RAD51B: variants seen among roughly 807,000 people sequenced by gnomAD.
RAD51B encodes DNA repair protein RAD51 homolog 2.
RAD51B carries 38 observed loss-of-function variants against 42.2 expected under a neutral mutation model. The observed-to-expected ratio is 0.90, with a 90% CI of 0.70 to 1.18. RAD51B has a LOEUF of 1.18. Among genes scored for constraint, RAD51B ranks in the 50% most tolerant of loss-of-function variants. The pLI, the probability that RAD51B is intolerant of heterozygous loss-of-function variation, is 0.00. For missense variants in RAD51B, 373 were observed against 400.7 expected, an observed-to-expected ratio of 0.93 and a Z score of 0.59; for synonymous variants, 154 against 145.2, an observed-to-expected ratio of 1.06 and a Z score of -0.43.
At chr14:68,416,019 T>C (rs1229854736) in intron 9 of RAD51B, among the ~76,000 whole-genome samples, 1 of 152,178 alleles carries the variant, frequency 6.6e-6, no homozygotes, top group Non-Finnish European at 1.5e-5. Context: ...AATATTTTCA[T>C]TTCTATTTAG....
intron 7 of RAD51B, among the ~76,000 whole-genome samples, chr14:68,165,969 C>T (rs2078740852): frequency 6.6e-6 from 1 of 152,054 alleles, no homozygotes; most frequent in Non-Finnish European, 1.5e-5. Flanking sequence ...GCATTAATAT[C>T]TTATGCTGTA....
Position 67,835,184 on chromosome 14 carries a change from A to G in RAD51B, c.303A>G (p.Gly101=), listed in dbSNP as rs1318025103. Residue 101 remains glycine, a synonymous_variant, in exon 4 of 11, where the codon GGA becomes GGG. Coordinates refer to ENST00000471583, the MANE Select transcript of RAD51B (RefSeq NM_133510.4). Reference sequence around the variant, plus strand: ...CCCTGCATGGTGGTGTGGCTTGTGGATCCCTCACAGAGGTAAAGGAAAAAT... The same window carrying G: ...CCCTGCATGGTGGTGTGGCTTGTGGGTCCCTCACAGAGGTAAAGGAAAAAT... ...DEALHGGVAC[G]SLTEITGPPG... is the part of the protein sequence containing the mutation. 6.2e-7 allele frequency: 1 copy of G among 1,613,158 alleles called. No homozygotes were observed. Among genetic ancestry groups the G allele is most frequent in the Non-Finnish European group, 8.5e-7 (1 of 1,179,182 alleles).
chr14:67,830,780 C>G (rs1036890748), intron 3 of RAD51B, among the ~76,000 whole-genome samples: 1 of 151,990 alleles, frequency 6.6e-6, no homozygotes, highest in African/African-American at 2.4e-5. Flanking sequence ...AGATGATTCT[C>G]TGACTTTTGC....
intron 7 of RAD51B, among the ~76,000 whole-genome samples, chr14:67,965,658 A>G (rs1424747199): frequency 6.6e-6 from 1 of 152,014 alleles, no homozygotes; most frequent in Non-Finnish European, 1.5e-5. Context: ...TCCCATTGCC[A>G]GACGCACACA....
intron 7 of RAD51B, among the ~76,000 whole-genome samples, chr14:68,201,737 T>C (rs1239233452): frequency 6.6e-6 from 1 of 152,008 alleles, no homozygotes; most frequent in African/African-American, 2.4e-5. Flanking sequence ...CTGTAGAGGG[T>C]ATAGGGAAGG....
chr14:68,434,259 C>G (rs1257794178), intron 9 of RAD51B, among the ~76,000 whole-genome samples: 2 of 152,210 alleles, frequency 1.3e-5, no homozygotes, highest in Non-Finnish European at 2.9e-5. Flanking sequence ...AACCACTACT[C>G]TCTTCAAAAC....
rs774831696 is a variant in RAD51B, at chr14:68,477,650, C to G, written c.1039C>G (p.Gln347Glu). ...TCTTTTTTTTTTTTTTCCTTTAGGC[C>G]AAGAGAAGCCATAGGGATACTGTGA... is the stretch of plus-strand genomic sequence containing the variant. ...IKEEGLVLQG[Q>E]EKP is the part of the protein sequence containing the mutation. The change falls in exon 11 of 11, where the codon CAA becomes GAA. Residue 347 changes from glutamine to glutamate, a missense_variant and splice_region_variant. By Grantham distance (29) the Gln-to-Glu change is conservative. Coordinates refer to ENST00000471583, the MANE Select transcript of RAD51B (RefSeq NM_133510.4). 1.2e-6 allele frequency: 2 copies of G among 1,606,560 alleles called. No homozygotes were observed. The highest frequency in any genetic ancestry group is 1.7e-5 in the Admixed American group (1 of 58,924).
chr14:68,357,956 G>T (rs546128320), intron 8 of RAD51B, among the ~76,000 whole-genome samples: 30 of 152,230 alleles, frequency 2.0e-4, no homozygotes, highest in African/African-American at 7.0e-4. Flanking sequence ...GCCATTGTAG[G>T]GTTAATTGGC....
At chr14:68,014,994 G>A (rs1274261304) in intron 7 of RAD51B, among the ~76,000 whole-genome samples, 1 of 152,120 alleles carries the variant, frequency 6.6e-6, no homozygotes, top group East Asian at 1.9e-4. Context: ...ATGGTGAAGG[G>A]CAGGAGCTCC....
At chr14:68,573,024 A>G (rs1360280754) in intron 10 of RAD51B, among the ~76,000 whole-genome samples, 1 of 152,134 alleles carries the variant, frequency 6.6e-6, no homozygotes, top group African/African-American at 2.4e-5. Context: ...AATCAAACCC[A>G]GGCCAGGGAG....
intron 8 of RAD51B, among the ~76,000 whole-genome samples, chr14:68,399,487 G>A (rs1310182661): frequency 6.6e-6 from 1 of 152,098 alleles, no homozygotes; most frequent in Admixed American, 6.5e-5. Flanking sequence ...TCCATCTCCT[G>A]ACTTCATGAT....
At chr14:68,547,878 T>G (rs1888319674) in intron 10 of RAD51B, among the ~76,000 whole-genome samples, 2 of 152,202 alleles carry the variant, frequency 1.3e-5, no homozygotes, top group Non-Finnish European at 2.9e-5. Flanking sequence ...GTCACTGGTC[T>G]GTGTAGGTTG....
chr14:68,582,405 A>G (rs1043058371), intron 10 of RAD51B, among the ~76,000 whole-genome samples: 2 of 152,254 alleles, frequency 1.3e-5, no homozygotes, highest in African/African-American at 2.4e-5. Context: ...TATGGAAAAA[A>G]GCTCATCATC....
chr14:68,603,128 C>T (rs190803181), intron 10 of RAD51B, among the ~76,000 whole-genome samples: 208 of 152,280 alleles, frequency 1.4e-3, no homozygotes, highest in African/African-American at 4.8e-3. Flanking sequence ...GGCCAGAGTC[C>T]GAACCTCAGA....
chr14:68,260,721 T>C (rs760963671), intron 7 of RAD51B, among the ~76,000 whole-genome samples: 1 of 152,206 alleles, frequency 6.6e-6, no homozygotes, highest in African/African-American at 2.4e-5. Context: ...ACCTTTTTGC[T>C]TCTGCAGTTT....
At chr14:68,537,018 CTGCAGTGAGCCA>C (rs902720788) in intron 10 of RAD51B, among the ~76,000 whole-genome samples, 7 of 145,302 alleles carry the variant, frequency 4.8e-5, no homozygotes, top group South Asian at 2.2e-4. Flanking sequence ...GAGGTAGAAG[CTGCAGTGAGCCA>C]TGCAGTGAGC....
At chr14:68,302,905 C>T (rs1379993836) in intron 8 of RAD51B, among the ~76,000 whole-genome samples, 3 of 152,228 alleles carry the variant, frequency 2.0e-5, no homozygotes, top group South Asian at 2.1e-4. Context: ...AACCCACAAC[C>T]TTCCAGCGTG....
Position 68,399,418 on chromosome 14 carries a change from G to A in RAD51B, c.854-12006G>A, listed in dbSNP as rs113100288. ...ACTACAGGCACCCGCCACAATGCCC[G>A]GCTAATTTTTTAGTAGTTTTGGTAG... On this transcript the variant is annotated intron_variant, in intron 8 of 10. Coordinates refer to ENST00000471583, the MANE Select transcript of RAD51B (RefSeq NM_133510.4). Among the ~76,000 whole-genome samples the A allele has an allele frequency of 6.8e-3, 1,034 of 152,004 alleles. 6 individuals carry two copies. Among genetic ancestry groups the A allele is most frequent in the Non-Finnish European group, 0.012 (836 of 67,962 alleles).
At chr14:68,589,974 G>C (rs1317788970) in intron 10 of RAD51B, among the ~76,000 whole-genome samples, 2 of 152,030 alleles carry the variant, frequency 1.3e-5, no homozygotes, top group African/African-American at 2.4e-5. Flanking sequence ...CTGTACCCAT[G>C]GTGTGTATTT....
Sources: gnomAD v4.1 joint callset for allele counts (sites outside exome capture counted in the v4.1 genomes callset) on GRCh38, gnomAD v4.1.1 for gene constraint, MANE v1.5 for transcripts, NCBI Gene and HGNC (gene_info 2026-07-23, HGNC 2026-07-21) for gene names.